The following C3orf70 variants were observed in gnomAD, a reference collection of about 807,000 sequenced individuals.
The protein encoded by C3orf70 is chromosome 3 open reading frame 70.
Under a neutral mutation model 20.7 loss-of-function variants are expected in C3orf70, and 15 were observed. The observed-to-expected ratio is 0.72, with a 90% CI of 0.48 to 1.11. The LOEUF is 1.11. Ranked by LOEUF, C3orf70 falls within the 50% of genes most tolerant of loss-of-function variation. The pLI, the probability that C3orf70 is intolerant of heterozygous loss-of-function variation, is 0.00. For missense variants in C3orf70, 332 were observed against 317.6 expected, an observed-to-expected ratio of 1.05 and a Z score of -0.34; for synonymous variants, 161 against 125.7, an observed-to-expected ratio of 1.28 and a Z score of -1.88.
chr3:185,097,907 T>C (rs1365222584), intron 1 of C3orf70, among the ~76,000 whole-genome samples: 1 of 152,208 alleles, frequency 6.6e-6, no homozygotes, highest in African/African-American at 2.4e-5. Context: ...TGTAGAAACT[T>C]ACAATTACAG....
chr3:185,085,257 T>C (rs997778468), intron 1 of C3orf70, among the ~76,000 whole-genome samples: 3 of 152,190 alleles, frequency 2.0e-5, no homozygotes, highest in African/African-American at 7.2e-5. Context: ...GAAAACTAGC[T>C]TAGGTTTTAT....
chr3:185,097,018 G>A lies in C3orf70; in HGVS notation c.197-13455C>T, dbSNP rs6797585. On this transcript the variant is annotated intron_variant, in intron 1 of 1. Coordinates refer to ENST00000335012, the MANE Select transcript of C3orf70 (RefSeq NM_001025266.3). The stretch of plus-strand genomic sequence containing the variant: ...CCTTGGGTATTCTCCCAAGGCCCTG[G>A]GGGACTGCATAGAATTTCCTTAATT... 1.1e-4 allele frequency among the ~76,000 whole-genome samples: 16 copies of A among 152,084 alleles called. No individual in the cohort carries two copies. The South Asian group carries it at 3.3e-3, about 32-fold the overall frequency.
intron 1 of C3orf70, among the ~76,000 whole-genome samples, chr3:185,096,383 T>G (rs993959862): frequency 6.6e-6 from 1 of 152,218 alleles, no homozygotes; most frequent in African/African-American, 2.4e-5. Flanking sequence ...ACCTCTTCCT[T>G]ACAATAGTTG....
chr3:185,078,986 T>C lies in C3orf70; in HGVS notation c.*4021A>G, dbSNP rs1384270346. 1.3e-5 allele frequency: 2 copies of C among 152,038 alleles called. No individual in the cohort carries two copies. Among genetic ancestry groups the C allele is most frequent in the Admixed American group, 6.6e-5 (1 of 15,260 alleles). 9.4% of individuals were successfully genotyped at this position (152,038 alleles called of 1,614,324 possible). ...TTCAAATAGACCAAGAAGTGGAGGA[T>C]TAGAAGTAAAGCCGGCCGGGCGTGG... On this transcript the variant is annotated 3_prime_UTR_variant, in exon 2 of 2. Transcript: ENST00000335012.
At position 185,149,179 on chromosome 3, in the gene C3orf70, G is replaced by A. The variant is rs182242898; in HGVS notation, c.196+3449C>T. On this transcript the variant is annotated intron_variant, in intron 1 of 1. Coordinates refer to ENST00000335012, the MANE Select transcript of C3orf70 (RefSeq NM_001025266.3). ...AAGCCAAGGCAAGCGGATCACCTGA[G>A]GTCAGGAGTTCGAGACCAGCCTGGT... is the stretch of plus-strand genomic sequence containing the variant. Among the ~76,000 whole-genome samples the A allele has an allele frequency of 3.6e-3, 547 of 152,292 alleles. 2 individuals carry two copies. The highest frequency in any genetic ancestry group is 0.013 in the African/African-American group (537 of 41,558).
intron 1 of C3orf70, among the ~76,000 whole-genome samples, chr3:185,123,178 C>CAAAA (rs34803531): frequency 3.3e-5 from 3 of 91,308 alleles, no homozygotes; most frequent in East Asian, 3.1e-4. Flanking sequence ...GACTCCATCT[C>CAAAA]AAAAAAAAAA....
At chr3:185,095,650 T>G (rs1007390904) in intron 1 of C3orf70, among the ~76,000 whole-genome samples, 1 of 152,176 alleles carries the variant, frequency 6.6e-6, no homozygotes. Flanking sequence ...ATTAACTTAG[T>G]TAAAACTTTT....
At chr3:185,097,175 T>C (rs1715727499) in intron 1 of C3orf70, among the ~76,000 whole-genome samples, 1 of 152,180 alleles carries the variant, frequency 6.6e-6, no homozygotes, top group Non-Finnish European at 1.5e-5. Flanking sequence ...TAATTTTGAT[T>C]GTCTACTGAG....
At chr3:185,109,220 T>G (rs1716010305) in intron 1 of C3orf70, among the ~76,000 whole-genome samples, 1 of 152,206 alleles carries the variant, frequency 6.6e-6, no homozygotes, top group East Asian at 1.9e-4. Context: ...TATCAGCAGC[T>G]GAACAGCAAC....
chr3:185,091,953 ATATATATATATTTTTT>A (rs1715595984), intron 1 of C3orf70, among the ~76,000 whole-genome samples: 24 of 11,208 alleles, frequency 2.1e-3, no homozygotes, highest in Non-Finnish European at 2.6e-3. Flanking sequence ...ATATATATAT[ATATATATATATTTTTT>A]TTTTTTTTTA....
At chr3:185,146,356 T>G (rs958338137) in intron 1 of C3orf70, among the ~76,000 whole-genome samples, 3 of 142,112 alleles carry the variant, frequency 2.1e-5, no homozygotes, top group African/African-American at 7.7e-5. Flanking sequence ...GGCGCGATCT[T>G]GGCTCGCTGC....
intron 1 of C3orf70, among the ~76,000 whole-genome samples, chr3:185,092,154 T>A (rs906616596): frequency 1.1e-4 from 17 of 151,706 alleles, no homozygotes; most frequent in Middle Eastern, 3.4e-3. Context: ...CTAGTAAAAG[T>A]GATTAATGAT....
At chr3:185,101,946 T>C (rs188047848) in intron 1 of C3orf70, among the ~76,000 whole-genome samples, 246 of 152,294 alleles carry the variant, frequency 1.6e-3, no homozygotes, top group Non-Finnish European at 2.0e-3. Context: ...GAACCATCTA[T>C]GACAAACCCA....
chr3:185,141,664 G>GTAC (rs1716751172), intron 1 of C3orf70, among the ~76,000 whole-genome samples: 1 of 152,144 alleles, frequency 6.6e-6, no homozygotes, highest in African/African-American at 2.4e-5. Context: ...AAAAGGTTAT[G>GTAC]TACTCTATGT....
intron 1 of C3orf70, among the ~76,000 whole-genome samples, chr3:185,123,778 A>T (rs1465452668): frequency 6.6e-6 from 1 of 152,208 alleles, no homozygotes; most frequent in Non-Finnish European, 1.5e-5. Context: ...TGGCCTATGA[A>T]GTATTCTGTC....
At chr3:185,101,335 G>C (rs571356591) in intron 1 of C3orf70, among the ~76,000 whole-genome samples, 5 of 152,114 alleles carry the variant, frequency 3.3e-5, no homozygotes, top group Admixed American at 2.0e-4. Context: ...TATCCACCAC[G>C]ATCAAGTAGG....
intron 1 of C3orf70, among the ~76,000 whole-genome samples, chr3:185,084,603 T>C (rs1715422448): frequency 6.6e-6 from 1 of 152,044 alleles, no homozygotes. Flanking sequence ...GAGGACACCC[T>C]GCTGGATGTT....
rs781381496 is a variant in C3orf70 at position 185,083,055 on chromosome 3, G to C, written c.705C>G (p.Pro235=). The C allele has an allele frequency of 1.2e-6, 2 of 1,614,028 alleles. No individual in the cohort carries two copies. Among genetic ancestry groups the C allele is most frequent in the Non-Finnish European group, 8.5e-7 (1 of 1,180,040 alleles). Residue 235 remains proline (P), a synonymous_variant, in exon 2 of 2, where the codon CCC becomes CCG. Transcript: ENST00000335012. ...CAATCACTTCCAGGTCAGACTGCGA[G>C]GGGGAGAGAAGGGTGCACTCATCCG... is the stretch of plus-strand genomic sequence containing the variant. ...WEPDECTLLS[P]SQSDLEVIET... is the part of the protein sequence containing the mutation.
In C3orf70 at chr3:185,083,268, T is replaced by G. The variant is rs1321035387; in HGVS notation, c.492A>C (p.Ala164=). 15 of 1,614,110 alleles carry G rather than the reference T, an allele frequency of 9.3e-6. No individual in the cohort carries two copies. Among genetic ancestry groups the G allele is most frequent in the Middle Eastern group, 1.6e-4 (1 of 6,082 alleles). Residue 164 remains alanine, a synonymous_variant, in exon 2 of 2, where the codon GCA becomes GCC. Transcript: ENST00000335012. Reference sequence around the variant, plus strand: ...TCTCTTTTGAAATTAAGGCATCGTGTGCAGAGACCTCCTCAGGGCTCATTC... The same window carrying G: ...TCTCTTTTGAAATTAAGGCATCGTGGGCAGAGACCTCCTCAGGGCTCATTC... ...SHRMSPEEVS[A]HDALISKESN... is the part of the protein sequence containing the mutation.
Sources: gnomAD v4.1 joint callset for allele counts (sites outside exome capture counted in the v4.1 genomes callset) on GRCh38, gnomAD v4.1.1 for gene constraint, MANE v1.5 for transcripts, NCBI Gene and HGNC (gene_info 2026-07-23, HGNC 2026-07-21) for gene names.